NUSAP1: variants seen among roughly 807,000 people sequenced by gnomAD.
NUSAP1 encodes nucleolar and spindle-associated protein 1.
A neutral mutation model predicts 52.8 loss-of-function variants in NUSAP1; 32 were observed. That is an observed-to-expected ratio of 0.61 (90% CI 0.46 to 0.81). The LOEUF (loss-of-function observed/expected upper bound fraction) is 0.81, where lower values mean the gene tolerates loss of function less well. Among genes scored for constraint, NUSAP1 ranks in the 40% least tolerant of loss-of-function variants. NUSAP1 has a pLI of 0.00. For missense variants in NUSAP1, 499 were observed against 522.3 expected (o/e 0.96, Z 0.43); for synonymous variants, 195 against 183.1 (o/e 1.06, Z -0.52).
At chr15:41,336,999 C>CTTTTTTTTTT (rs201223527) in intron 1 of NUSAP1, among the ~76,000 whole-genome samples, 19 of 65,824 alleles carry the variant, frequency 2.9e-4, no homozygotes, top group South Asian at 5.8e-4. Flanking sequence ...CTTTCCTTTT[C>CTTTTTTTTTT]TTTTTTTTTT....
chr15:41,362,951 T>TGA (rs1242084980), intron 6 of NUSAP1, among the ~76,000 whole-genome samples: 1 of 151,856 alleles, frequency 6.6e-6, no homozygotes, highest in African/African-American at 2.4e-5. Context: ...CCAGGCTCAG[T>TGA]GACAGTGAGA....
intron 1 of NUSAP1, among the ~76,000 whole-genome samples, chr15:41,340,696 A>G (rs1384661797): frequency 6.6e-6 from 1 of 152,184 alleles, no homozygotes; most frequent in Non-Finnish European, 1.5e-5. Context: ...TAGAAAAATC[A>G]AGAATGCCTG....
At chr15:41,374,391 A>G (rs1354933518) in intron 8 of NUSAP1, among the ~76,000 whole-genome samples, 7 of 152,090 alleles carry the variant, frequency 4.6e-5, no homozygotes, top group East Asian at 1.9e-4. Context: ...AGAAAATTCT[A>G]TGGGGTCCCT....
At chr15:41,379,585 C>T (rs558801754) in intron 10 of NUSAP1, among the ~76,000 whole-genome samples, 2 of 152,226 alleles carry the variant, frequency 1.3e-5, no homozygotes, top group African/African-American at 2.4e-5. Flanking sequence ...CATTCTGTCG[C>T]CCAGTCTGGA....
At chr15:41,337,378 G>A (rs567655675) in intron 1 of NUSAP1, among the ~76,000 whole-genome samples, 9 of 152,238 alleles carry the variant, frequency 5.9e-5, no homozygotes, top group Admixed American at 5.9e-4. Flanking sequence ...TTCTTTGCCT[G>A]TCTAAGGGCA....
intron 2 of NUSAP1, chr15:41,345,711 G>A (rs1334496436): frequency 8.0e-6 from 2 of 250,016 alleles, no homozygotes; most frequent in Non-Finnish European, 1.6e-5. Flanking sequence ...TCCCACCTCG[G>A]CCTCCCAAAG....
intron 1 of NUSAP1, among the ~76,000 whole-genome samples, chr15:41,337,286 T>C (rs1216761807): frequency 6.6e-6 from 1 of 152,190 alleles, no homozygotes; most frequent in Non-Finnish European, 1.5e-5. Flanking sequence ...CCCAAAGTGC[T>C]GGGATTACAG....
intron 1 of NUSAP1, among the ~76,000 whole-genome samples, chr15:41,341,592 C>T (rs1206609330): frequency 6.6e-6 from 1 of 152,128 alleles, no homozygotes; most frequent in Non-Finnish European, 1.5e-5. Flanking sequence ...GTTGGCATAA[C>T]AAAGTTTCCC....
chr15:41,349,298 T>G, intron 3 of NUSAP1, 57 bp downstream of exon 3: 1 of 1,501,998 alleles, frequency 6.7e-7, no homozygotes, highest in Non-Finnish European at 9.2e-7. Flanking sequence ...TGGCATACTT[T>G]TATGGAGATT....
chr15:41,361,401 A>T (rs566689414), intron 6 of NUSAP1, among the ~76,000 whole-genome samples: 17 of 152,130 alleles, frequency 1.1e-4, no homozygotes, highest in Admixed American at 3.3e-4. Flanking sequence ...CTCAAAAAAA[A>T]AATAATAATA....
At position 41,336,655 on chromosome 15, in the gene NUSAP1, T is replaced by TGTTTTTTTTTTTTTGTTTG. The variant is rs748827154; in HGVS notation, c.93+3605_93+3606insGTTTTTTTTTTTTTGTTTG. Among the ~76,000 whole-genome samples, 565 of 141,222 alleles carry TGTTTTTTTTTTTTTGTTTG rather than the reference T, an allele frequency of 4.0e-3. 3 individuals carry two copies. The highest frequency in any genetic ancestry group is 6.1e-3 in the Non-Finnish European group (394 of 65,008). 92.6% of individuals were successfully genotyped at this position (141,222 alleles called of 152,430 possible). ...TTGATCCTCCTCCTTTTGGTTTTTT[T>TGTTTTTTTTTTTTTGTTTG]TTTTTTTTTTTTTTGAGATAAGGTC... On this transcript the variant is annotated intron_variant, in intron 1 of 10. Transcript: ENST00000559596.
At chr15:41,347,839 C>T (rs932872020) in intron 2 of NUSAP1, among the ~76,000 whole-genome samples, 2 of 149,524 alleles carry the variant, frequency 1.3e-5, no homozygotes, top group South Asian at 2.1e-4. Flanking sequence ...AGAAAGAAAA[C>T]GGACTGGGCA....
At position 41,356,416 on chromosome 15, in the gene NUSAP1, G is replaced by T. The variant is rs564266214; in HGVS notation, c.550+276G>T. Among the ~76,000 whole-genome samples the T allele has an allele frequency of 2.1e-5, 3 of 145,724 alleles. No homozygotes were observed. The East Asian group carries it at 6.1e-4, about 30-fold the overall frequency. The stretch of plus-strand genomic sequence containing the variant: ...GTCACCCAGGCTAGAGTGCAGTAGC[G>T]TGAGCTTGGCTCACTGCTACCTCCA... On this transcript the variant is annotated intron_variant, in intron 5 of 10. Coordinates refer to ENST00000559596, the MANE Select transcript of NUSAP1 (RefSeq NM_016359.5).
chr15:41,341,114 G>C (rs1053446039), intron 1 of NUSAP1, among the ~76,000 whole-genome samples: 1 of 152,176 alleles, frequency 6.6e-6, no homozygotes, highest in Non-Finnish European at 1.5e-5. Context: ...CCAGACTAGA[G>C]TGCAGTGGCA....
intron 6 of NUSAP1, 39 bp from the exon 7 acceptor site, chr15:41,365,363 G>A: frequency 6.5e-7 from 1 of 1,529,924 alleles, no homozygotes; most frequent in Non-Finnish European, 8.9e-7. Flanking sequence ...CACCATGTTG[G>A]AGAGGCCAAG....
intron 10 of NUSAP1, among the ~76,000 whole-genome samples, chr15:41,377,819 T>G (rs571245310): frequency 6.0e-4 from 83 of 137,822 alleles, no homozygotes; most frequent in South Asian, 2.3e-3. Flanking sequence ...GGCTAACGCA[T>G]TGAAACCCCA....
intron 1 of NUSAP1, among the ~76,000 whole-genome samples, chr15:41,336,648 GTTTTTTTT>G (rs75426159): frequency 2.2e-5 from 2 of 91,372 alleles, no homozygotes; most frequent in Non-Finnish European, 4.8e-5. Flanking sequence ...CCTCCTTTTG[GTTTTTTTT>G]TTTTTTTTTT....
At chr15:41,371,917 C>T (rs759699723) in intron 8 of NUSAP1, among the ~76,000 whole-genome samples, 1 of 151,978 alleles carries the variant, frequency 6.6e-6, no homozygotes, top group African/African-American at 2.4e-5. Context: ...ACTACAGACA[C>T]ATGCCACCAT....
In NUSAP1 at chr15:41,332,927, C is replaced by A; in HGVS notation, c.-31C>A. The A allele has an allele frequency of 6.4e-7, 1 of 1,552,712 alleles. No individual in the cohort carries two copies. Among genetic ancestry groups the A allele is most frequent in the African/African-American group, 1.4e-5 (1 of 73,710 alleles). On this transcript the variant is annotated 5_prime_UTR_variant, in exon 1 of 11. Transcript: ENST00000559596. ...GCGCTGACGAAGTTTGGTGATCCAT[C>A]TTCCGAGTATCGCCGGGATTTCGAA...
Sources: allele counts gnomAD v4.1 joint callset (sites outside exome capture counted in the v4.1 genomes callset), GRCh38; gene constraint gnomAD v4.1.1; transcripts MANE v1.5; gene names NCBI Gene and HGNC (gene_info 2026-07-23, HGNC 2026-07-21).